The following PRKAA1 variants were observed in gnomAD, a reference collection of about 807,000 sequenced individuals.
The protein encoded by PRKAA1 is 5'-AMP-activated protein kinase catalytic subunit alpha-1.
PRKAA1 carries 23 observed loss-of-function variants against 56.9 expected under a neutral mutation model. The ratio of observed to expected loss-of-function variants is 0.40; its 90% CI spans 0.29 to 0.57. PRKAA1 has a LOEUF of 0.57. Ranked by LOEUF, PRKAA1 falls within the 20% of genes least tolerant of loss-of-function variation. PRKAA1 has a pLI of 0.39. For missense variants in PRKAA1, 413 were observed against 679.7 expected (o/e 0.61, Z 4.36); for synonymous variants, 226 against 227.0 (o/e 1.00, Z 0.04).
intron 1 of PRKAA1, among the ~76,000 whole-genome samples, chr5:40,797,743 G>C (rs1355374950): frequency 1.3e-5 from 2 of 152,184 alleles, no homozygotes; most frequent in African/African-American, 2.4e-5. Flanking sequence ...CCAGCACCCA[G>C]AGCGCGCCGC....
At chr5:40,786,786 CAAAAAAAAAAAA>C (rs34749478) in intron 1 of PRKAA1, among the ~76,000 whole-genome samples, 764 of 43,562 alleles carry the variant, frequency 0.018, 13 homozygotes, top group African/African-American at 0.065. Context: ...ACTAAAAATA[CAAAAAAAAAAAA>C]AAAAAAAAAA....
chr5:40,774,814 G>C, intron 3 of PRKAA1: 2 of 829,350 alleles, frequency 2.4e-6, no homozygotes, highest in African/African-American at 1.7e-5. Flanking sequence ...CTGGGTATGA[G>C]AAAAAGTATG....
chr5:40,785,526 C>A (rs1482197391), intron 1 of PRKAA1, among the ~76,000 whole-genome samples: 4 of 152,064 alleles, frequency 2.6e-5, no homozygotes, highest in Admixed American at 1.3e-4. Flanking sequence ...CAGGCATTAA[C>A]CAACCACGCC....
intron 1 of PRKAA1, among the ~76,000 whole-genome samples, chr5:40,792,685 C>T (rs958699629): frequency 2.0e-5 from 3 of 152,126 alleles, no homozygotes; most frequent in African/African-American, 7.2e-5. Flanking sequence ...ATAATTTTTA[C>T]TTAAAGGAAT....
chr5:40,788,197 G>T (rs1744574000), intron 1 of PRKAA1, among the ~76,000 whole-genome samples: 1 of 152,162 alleles, frequency 6.6e-6, no homozygotes, highest in African/African-American at 2.4e-5. Context: ...GAATAGGATG[G>T]ATAGCCCAGA....
chr5:40,795,729 C>G (rs1246921179), intron 1 of PRKAA1, among the ~76,000 whole-genome samples: 3 of 152,210 alleles, frequency 2.0e-5, no homozygotes, highest in African/African-American at 7.2e-5. Context: ...AAAAAATGAA[C>G]AGGTTAAAGA....
At chr5:40,776,273 TA>T (rs1483286965) in intron 2 of PRKAA1, among the ~76,000 whole-genome samples, 4 of 152,160 alleles carry the variant, frequency 2.6e-5, no homozygotes, top group Admixed American at 2.0e-4. Flanking sequence ...ACAGGGAAGT[TA>T]AAAATGGTTC....
At chr5:40,788,241 G>A (rs146702189) in intron 1 of PRKAA1, among the ~76,000 whole-genome samples, 1 of 152,116 alleles carries the variant, frequency 6.6e-6, no homozygotes, top group Non-Finnish European at 1.5e-5. Flanking sequence ...ATGGATTTTT[G>A]ACAAAGGTGC....
chr5:40,767,196 AAAGT>A (rs1428816432), intron 6 of PRKAA1, among the ~76,000 whole-genome samples: 1 of 152,170 alleles, frequency 6.6e-6, no homozygotes. Context: ...GTTAATTTAA[AAAGT>A]AATATGATGT....
chr5:40,789,634 T>C (rs936341435), intron 1 of PRKAA1, among the ~76,000 whole-genome samples: 3 of 152,104 alleles, frequency 2.0e-5, no homozygotes, highest in African/African-American at 7.2e-5. Context: ...CTGGGGTAAG[T>C]GGGGCTGGAG....
intron 5 of PRKAA1, chr5:40,768,935 T>C: frequency 6.6e-7 from 1 of 1,524,404 alleles, no homozygotes; most frequent in African/African-American, 1.4e-5. Context: ...AATATTGCAG[T>C]CTCTAAAAGG....
At chr5:40,795,709 C>T (rs1331931670) in intron 1 of PRKAA1, among the ~76,000 whole-genome samples, 2 of 152,230 alleles carry the variant, frequency 1.3e-5, no homozygotes, top group Non-Finnish European at 2.9e-5. Flanking sequence ...AGCATCCCAA[C>T]TGTTAACTTA....
intron 1 of PRKAA1, among the ~76,000 whole-genome samples, chr5:40,789,546 GT>G (rs1744631502): frequency 6.6e-6 from 1 of 152,170 alleles, no homozygotes; most frequent in Non-Finnish European, 1.5e-5. Flanking sequence ...TGTCAGAGGT[GT>G]CTGAGACTCA....
intron 1 of PRKAA1, among the ~76,000 whole-genome samples, chr5:40,791,941 A>G (rs1744733789): frequency 6.6e-6 from 1 of 152,254 alleles, no homozygotes; most frequent in Non-Finnish European, 1.5e-5. Flanking sequence ...AGGAATCCAT[A>G]AAAAATATAG....
intron 1 of PRKAA1, among the ~76,000 whole-genome samples, chr5:40,795,863 T>C (rs190656706): frequency 1.2e-4 from 18 of 152,334 alleles, no homozygotes; most frequent in African/African-American, 3.8e-4. Context: ...CAGAATATGG[T>C]ACTCCAAGAG....
chr5:40,778,185 G>C (rs1744104136), intron 1 of PRKAA1, among the ~76,000 whole-genome samples: 1 of 152,196 alleles, frequency 6.6e-6, no homozygotes, highest in Admixed American at 6.5e-5. Flanking sequence ...GGAGGCAGAG[G>C]TTGCAGTGAG....
chr5:40,790,985 A>C (rs1744697010), intron 1 of PRKAA1, among the ~76,000 whole-genome samples: 1 of 152,232 alleles, frequency 6.6e-6, no homozygotes, highest in Admixed American at 6.5e-5. Context: ...AAGTTGTGGA[A>C]GTAAAGCTAT....
At chr5:40,779,510 C>G (rs2112051057) in intron 1 of PRKAA1, among the ~76,000 whole-genome samples, 1 of 152,244 alleles carries the variant, frequency 6.6e-6, no homozygotes, top group Admixed American at 6.5e-5. Context: ...GGTATACTAA[C>G]AACCATTGCA....
Position 40,762,615 on chromosome 5 carries a change from T to G in PRKAA1, c.*163A>C. The G allele has an allele frequency of 1.2e-6, 1 of 827,716 alleles. No individual in the cohort carries two copies. The highest frequency in any genetic ancestry group is 1.8e-5 in the South Asian group (1 of 54,166). The allele number at this position is 827,716 out of a possible 1,614,324, so 51.3% of individuals were successfully genotyped here. The stretch of plus-strand genomic sequence containing the variant: ...ATGATCTTAATTCATTTCTGCATAT[T>G]AGGCTTTTAACTATAAATCATGTTC... On this transcript the variant is annotated 3_prime_UTR_variant, in exon 9 of 9. Transcript: ENST00000397128.
Sources: allele counts gnomAD v4.1 joint callset (sites outside exome capture counted in the v4.1 genomes callset), GRCh38; gene constraint gnomAD v4.1.1; transcripts MANE v1.5; gene names NCBI Gene and HGNC (gene_info 2026-07-23, HGNC 2026-07-21).